Variants in CFAP57 observed in about 807,000 individuals in gnomAD.
CFAP57 encodes cilia and flagella associated protein 57, also known as cilia- and flagella-associated protein 57.
Under a neutral mutation model 146.8 loss-of-function variants are expected in CFAP57, and 116 were observed. The observed-to-expected ratio is 0.79, with a 90% confidence interval of 0.68 to 0.92. The LOEUF (loss-of-function observed/expected upper bound fraction) is 0.92, where lower values mean the gene tolerates loss of function less well. Ranked by LOEUF, CFAP57 falls within the 40% of genes least tolerant of loss-of-function variation. The pLI is 0.00. For missense variants in CFAP57, 1,377 were observed against 1,527.2 expected (o/e 0.90, Z 1.64); for synonymous variants, 518 against 552.8 (o/e 0.94, Z 0.88).
intron 21 of CFAP57, among the ~76,000 whole-genome samples, chr1:43,241,328 T>C (rs963893730): frequency 3.3e-5 from 5 of 152,242 alleles, no homozygotes; most frequent in Admixed American, 3.3e-4. Flanking sequence ...CCAAACTATA[T>C]TGTAAGGAAT....
chr1:43,237,780 G>T (rs1336976109), intron 21 of CFAP57, among the ~76,000 whole-genome samples: 3 of 152,204 alleles, frequency 2.0e-5, no homozygotes, highest in African/African-American at 7.2e-5. Context: ...GAAATGGTTG[G>T]TGGCTGAGGG....
intron 22 of CFAP57, among the ~76,000 whole-genome samples, chr1:43,249,643 C>T (rs1377201262): frequency 7.2e-5 from 10 of 139,652 alleles, no homozygotes; most frequent in Non-Finnish European, 3.0e-5. Flanking sequence ...GGGGTTTCAC[C>T]GTGTTTGCCC....
chr1:43,205,854 T>G (rs1444075890), intron 9 of CFAP57, among the ~76,000 whole-genome samples: 1 of 152,196 alleles, frequency 6.6e-6, no homozygotes, highest in Non-Finnish European at 1.5e-5. Flanking sequence ...GTGAAGTTTC[T>G]GGAGCTGAGG....
At chr1:43,232,397 G>C in intron 18 of CFAP57, 111 bp from the exon 19 acceptor site, 1 of 847,062 alleles carries the variant, frequency 1.2e-6, no homozygotes, top group East Asian at 2.7e-5. Flanking sequence ...GATGAGAAAA[G>C]AAATGCCCGG....
chr1:43,246,699 T>C (rs1646126232), intron 22 of CFAP57, among the ~76,000 whole-genome samples: 1 of 152,208 alleles, frequency 6.6e-6, no homozygotes, highest in Non-Finnish European at 1.5e-5. Context: ...TTTGCAGCAA[T>C]GTAAGCAATG....
At chr1:43,232,044 C>A in intron 18 of CFAP57, 1 of 698,840 alleles carries the variant, frequency 1.4e-6, no homozygotes, top group South Asian at 1.5e-5. Context: ...ACATGTTGGT[C>A]CCTCCAAACT....
chr1:43,197,849 C>T (rs1643930738), intron 7 of CFAP57, among the ~76,000 whole-genome samples, 157 bp downstream of exon 7: 1 of 152,210 alleles, frequency 6.6e-6, no homozygotes, highest in African/African-American at 2.4e-5. Flanking sequence ...ACCTGTTTCT[C>T]ACTCTTGCGT....
intron 20 of CFAP57, 33 bp from the exon 21 acceptor site, chr1:43,234,462 C>T (rs937944642): frequency 5.0e-5 from 77 of 1,542,754 alleles, no homozygotes; most frequent in African/African-American, 6.9e-5. Context: ...GGGGTCTCCT[C>T]TCCCTCACTG....
At chr1:43,250,540 A>C (rs1295624872) in intron 22 of CFAP57, 1 of 152,254 alleles carries the variant, frequency 6.6e-6, no homozygotes, top group Non-Finnish European at 1.5e-5. Flanking sequence ...TTGGGGCCAA[A>C]TAGTATTGCA....
At chr1:43,193,542 T>A (rs1166155682) in intron 6 of CFAP57, among the ~76,000 whole-genome samples, 1 of 152,092 alleles carries the variant, frequency 6.6e-6, no homozygotes, top group African/African-American at 2.4e-5. Flanking sequence ...CCATACACAC[T>A]TTAACTCATT....
At chr1:43,191,124 TA>T (rs1643492741) in intron 6 of CFAP57, among the ~76,000 whole-genome samples, 1 of 152,242 alleles carries the variant, frequency 6.6e-6, no homozygotes, top group South Asian at 2.1e-4. Context: ...TTTCTTTTTC[TA>T]ATTAATCTCT....
intron 3 of CFAP57, 72 bp downstream of exon 3, chr1:43,181,922 G>A (rs574690994): frequency 2.0e-6 from 3 of 1,524,144 alleles, no homozygotes; most frequent in Non-Finnish European, 2.7e-6. Context: ...TGTTTTCTGT[G>A]TACCACAGTT....
At position 43,254,070 on chromosome 1, in the gene CFAP57, T is replaced by C. The variant is rs1342352925; in HGVS notation, c.3632T>C (p.Ile1211Thr). 1.3e-6 allele frequency: 2 copies of C among 1,550,418 alleles called. No individual in the cohort carries two copies. The highest frequency in any genetic ancestry group is 2.7e-5 in the African/African-American group (2 of 72,992). Residue 1211 changes from isoleucine (I) to threonine (T), a missense_variant, in exon 23 of 23, where the codon ATC (isoleucine) becomes ACC (threonine). By Grantham distance (89) the Ile-to-Thr change is moderately conservative. Transcript: ENST00000372492. ...GRIIEMQRLE[I>T]QRLRDQIQEQ... ...ATCATTGAAATGCAGCGCCTAGAAA[T>C]CCAGCGCCTCAGAGACCAGATCCAA...
intron 11 of CFAP57, chr1:43,210,317 G>C: frequency 2.1e-6 from 3 of 1,411,090 alleles, no homozygotes; most frequent in Middle Eastern, 2.6e-4. Flanking sequence ...GGTACAAAAG[G>C]CCACCCCAGG....
intron 18 of CFAP57, among the ~76,000 whole-genome samples, chr1:43,228,831 T>G (rs1453466103): frequency 6.7e-6 from 1 of 149,096 alleles, no homozygotes; most frequent in Non-Finnish European, 1.5e-5. Flanking sequence ...AGACCAAGGC[T>G]CCAGCAGATT....
At chr1:43,210,639 AGAGTGGTGG>A in intron 11 of CFAP57, 1 of 164,690 alleles carries the variant, frequency 6.1e-6, no homozygotes. Flanking sequence ...TCACAAAGAC[AGAGTGGTGG>A]TTGGCAGGGG....
intron 6 of CFAP57, among the ~76,000 whole-genome samples, chr1:43,189,520 C>T (rs1005478342): frequency 5.3e-5 from 8 of 152,006 alleles, no homozygotes; most frequent in Admixed American, 4.6e-4. Flanking sequence ...GAATTATTTT[C>T]CTAATTTCAT....
intron 2 of CFAP57, among the ~76,000 whole-genome samples, chr1:43,175,766 A>G (rs1474892461): frequency 1.3e-5 from 2 of 150,598 alleles, no homozygotes; most frequent in East Asian, 1.9e-4. Flanking sequence ...TCAGCCTCCC[A>G]AGTAGCTGGG....
chr1:43,181,045 C>T (rs185584512), intron 2 of CFAP57, among the ~76,000 whole-genome samples: 1 of 152,154 alleles, frequency 6.6e-6, no homozygotes, highest in Non-Finnish European at 1.5e-5. Flanking sequence ...CCTGACTTCT[C>T]CTCCCACCTC....
Sources: gnomAD v4.1 joint callset for allele counts (sites outside exome capture counted in the v4.1 genomes callset) on GRCh38, gnomAD v4.1.1 for gene constraint, MANE v1.5 for transcripts, NCBI Gene and HGNC (gene_info 2026-07-23, HGNC 2026-07-21) for gene names.